MRNIP: variants seen among roughly 807,000 people sequenced by gnomAD.
The protein encoded by MRNIP is MRN complex interacting protein, also known as MRN complex-interacting protein.
A neutral mutation model predicts 29.8 loss-of-function variants in MRNIP; 30 were observed. That is an observed-to-expected ratio of 1.01 (90% CI 0.75 to 1.36). The LOEUF is 1.36. Among genes scored for constraint, MRNIP ranks in the 40% most tolerant of loss-of-function variants. The pLI is 0.00. For synonymous variants in MRNIP, 201 were observed against 164.1 expected, an observed-to-expected ratio of 1.23 and a Z score of -1.72; for missense variants, 459 against 423.5, an observed-to-expected ratio of 1.08 and a Z score of -0.74.
Position 179,844,208 on chromosome 5 carries a change from T to C in MRNIP, c.235A>G (p.Ser79Gly), listed in dbSNP as rs1215014570. ...LPLRSLEETV[S>G]ASEEENVGHQ... ...CCCACGTTTTCTTCTTCACTGGCAC[T>C]GACAGTTTCTTCTAGAGACCTTCAG... The change falls in exon 4 of 7, where the codon AGT becomes GGT. Residue 79 changes from serine (S) to glycine (G), a missense_variant. By Grantham distance (56) the Ser-to-Gly change is moderately conservative (BLOSUM62 0). Transcript: ENST00000292586. 2 of 1,614,180 alleles carry C rather than the reference T, an allele frequency of 1.2e-6. No homozygotes were observed. The highest frequency in any genetic ancestry group is 8.5e-7 in the Non-Finnish European group (1 of 1,180,012).
chr5:179,851,007 G>A, intron 2 of MRNIP: 1 of 339,358 alleles, frequency 2.9e-6, no homozygotes, highest in Non-Finnish European at 5.9e-6. Flanking sequence ...CACATCAAGG[G>A]CAGCGCCCTG....
At chr5:179,849,659 T>C (rs556397489) in intron 2 of MRNIP, among the ~76,000 whole-genome samples, 2 of 150,000 alleles carry the variant, frequency 1.3e-5, no homozygotes, top group East Asian at 4.0e-4. Flanking sequence ...AGATGGAATT[T>C]GTGACCATGG....
At position 179,858,805 on chromosome 5, in the gene MRNIP, G is replaced by A. The variant is rs934953807; in HGVS notation, c.-9C>T. The A allele has an allele frequency of 9.7e-6, 15 of 1,539,736 alleles. No homozygotes were observed. The highest frequency in any genetic ancestry group is 2.4e-5 in the South Asian group (2 of 82,722). On this transcript the variant is annotated 5_prime_UTR_variant, in exon 1 of 7. Coordinates refer to ENST00000292586, the MANE Select transcript of MRNIP (RefSeq NM_016175.4). ...CGCTGAAGCGACGCCATCCCTGCTTGTGCAGTCGCCAGGCAGCCAAGCGCG... is the reference window on the plus strand; with the variant it reads ...CGCTGAAGCGACGCCATCCCTGCTTATGCAGTCGCCAGGCAGCCAAGCGCG...
intron 4 of MRNIP, among the ~76,000 whole-genome samples, chr5:179,842,889 C>G (rs886255006): frequency 6.6e-6 from 1 of 151,094 alleles, no homozygotes; most frequent in Non-Finnish European, 1.5e-5. Context: ...AAAAATTAGC[C>G]GGGCGTGGTG....
chr5:179,847,980 G>C lies in MRNIP; in HGVS notation c.213C>G (p.Leu71=), dbSNP rs1450898625. ...ACGCTCTTCTCAAACAACTGTACCT[G>C]AGTGGCAGCTCTGAAACTTGTCCCT... is the stretch of plus-strand genomic sequence containing the variant. ...LLQGQVSELP[L]RSLEETVSAS... The change falls in exon 3 of 7, where the codon CTC becomes CTG. Residue 71 remains leucine, a splice_region_variant and synonymous_variant. Coordinates refer to ENST00000292586, the MANE Select transcript of MRNIP (RefSeq NM_016175.4). 2 of 1,604,638 alleles carry C rather than the reference G, an allele frequency of 1.2e-6. No homozygotes were observed. Among genetic ancestry groups the C allele is most frequent in the African/African-American group, 2.7e-5 (2 of 74,732 alleles).
At chr5:179,848,871 C>A (rs529788784) in intron 2 of MRNIP, among the ~76,000 whole-genome samples, 7 of 152,150 alleles carry the variant, frequency 4.6e-5, no homozygotes, top group Non-Finnish European at 8.8e-5. Context: ...GTGTGAAGAC[C>A]CTGAGCCTGA....
Position 179,837,716 on chromosome 5 carries a change from GGTGGCAGGACAAATT to G in MRNIP, c.692_706del (p.Gln231_Pro235del). 2 of 1,614,258 alleles carry G rather than the reference GGTGGCAGGACAAATT, an allele frequency of 1.2e-6. No homozygotes were observed. Among genetic ancestry groups the G allele is most frequent in the South Asian group, 2.2e-5 (2 of 91,088 alleles). ...ACTGTCCACATGTGAACTTTTTCTA[GGTGGCAGGACAAATT>G]GCGCCCATTTAGAGGATGTGGCTGT... On this transcript the variant is annotated inframe_deletion, in exon 7 of 7. Coordinates refer to ENST00000292586, the MANE Select transcript of MRNIP (RefSeq NM_016175.4).
At chr5:179,842,634 G>A (rs1378053865) in intron 4 of MRNIP, among the ~76,000 whole-genome samples, 2 of 143,928 alleles carry the variant, frequency 1.4e-5, no homozygotes, top group East Asian at 2.0e-4. Context: ...CGGGAGGCGG[G>A]GCCTGCAGTG....
chr5:179,857,380 G>A (rs1302395027), intron 1 of MRNIP, among the ~76,000 whole-genome samples: 1 of 152,086 alleles, frequency 6.6e-6, no homozygotes, highest in Non-Finnish European at 1.5e-5. Context: ...AGAATCGCTT[G>A]AACCCAGGAG....
Position 179,837,280 on chromosome 5 carries a change from T to C in MRNIP, c.*111A>G, listed in dbSNP as rs1758619673. On this transcript the variant is annotated 3_prime_UTR_variant, in exon 7 of 7. Coordinates refer to ENST00000292586, the MANE Select transcript of MRNIP (RefSeq NM_016175.4). The stretch of plus-strand genomic sequence containing the variant: ...TGACGTTTGCATAGAGAGAAATGAT[T>C]GACAGTAAGTTTATTGTTAATGGTT... 6.2e-7 allele frequency: 1 copy of C among 1,606,928 alleles called. No homozygotes were observed.
In MRNIP at chr5:179,843,002, C is replaced by T. The variant is rs868863392; in HGVS notation, c.292-938G>A. 1.7e-4 allele frequency among the ~76,000 whole-genome samples: 21 copies of T among 125,642 alleles called. No individual in the cohort carries two copies. In the Middle Eastern group the frequency reaches 0.019, roughly 113 times the overall value. The allele number at this position is 125,642 out of a possible 152,430, so 82.4% of individuals were successfully genotyped here. ...GAGCTGAGATCACGCCACTGCACTC[C>T]GGCTGGGGGACACAGCGAGACTCTG... is the stretch of plus-strand genomic sequence containing the variant. On this transcript the variant is annotated intron_variant, in intron 4 of 6. Coordinates refer to ENST00000292586, the MANE Select transcript of MRNIP (RefSeq NM_016175.4).
chr5:179,850,705 A>G (rs1314064603), intron 2 of MRNIP, among the ~76,000 whole-genome samples: 1 of 152,242 alleles, frequency 6.6e-6, no homozygotes, highest in East Asian at 1.9e-4. Flanking sequence ...CATAACCAGT[A>G]GCGGTGTGCT....
intron 3 of MRNIP, 36 bp from the exon 4 acceptor site, chr5:179,844,263 T>C (rs1201467434): frequency 6.4e-7 from 1 of 1,574,352 alleles, no homozygotes; most frequent in Non-Finnish European, 8.7e-7. Context: ...CTTTGAAAAA[T>C]GACCAGGGGC....
intron 2 of MRNIP, chr5:179,851,031 C>A (rs763720374): frequency 2.5e-4 from 86 of 348,060 alleles, no homozygotes; most frequent in Middle Eastern, 1.0e-3. Flanking sequence ...ACCTTATCAT[C>A]TTCCCAGGAC....
At position 179,858,758 on chromosome 5, in the gene MRNIP, G is replaced by A. The variant is rs1263411738; in HGVS notation, c.39C>T (p.Cys13=). Residue 13 remains cysteine (C), a synonymous_variant, in exon 1 of 7, where the codon TGC becomes TGT. Coordinates refer to ENST00000292586, the MANE Select transcript of MRNIP (RefSeq NM_016175.4). ...GGTGCGCCTGGAAGAGGCGGCAGCT[G>A]CAGCAGCGTAGCACCCGAGAACGCT... The part of the protein sequence containing the change: ...SLQRSRVLRC[C]SCRLFQAHQV... The A allele has an allele frequency of 2.6e-6, 4 of 1,535,654 alleles. No individual in the cohort carries two copies. The African/African-American group carries it at 5.5e-5, about 21-fold the overall frequency.
chr5:179,848,074 A>G lies in MRNIP; in HGVS notation c.127-8T>C. 1 of 1,606,342 alleles carries G rather than the reference A, an allele frequency of 6.2e-7. No homozygotes were observed. The highest frequency in any genetic ancestry group is 8.5e-7 in the Non-Finnish European group (1 of 1,172,896). On this transcript the variant is annotated splice_polypyrimidine_tract_variant and splice_region_variant and intron_variant, in intron 2 of 6. Coordinates refer to ENST00000292586, the MANE Select transcript of MRNIP (RefSeq NM_016175.4). ...AGAGCCTTCACCATAAGCCTGAGAAACCAAAAAATATATTACATTGAAAAA... is the reference window on the plus strand; with the variant it reads ...AGAGCCTTCACCATAAGCCTGAGAAGCCAAAAAATATATTACATTGAAAAA...
At chr5:179,841,739 G>GT (rs1394474274) in intron 5 of MRNIP, 168 bp downstream of exon 5, 2 of 700,206 alleles carry the variant, frequency 2.9e-6, no homozygotes, top group Non-Finnish European at 4.8e-6. Context: ...CAATGCCCAG[G>GT]TGGGCTGTGG....
At position 179,837,447 on chromosome 5, in the gene MRNIP, G is replaced by A; in HGVS notation, c.976C>T (p.Pro326Ser). The change falls in exon 7 of 7, where the codon CCC becomes TCC. Residue 326 changes from proline (P) to serine (S), a missense_variant. Physicochemically the swap from Pro to Ser is moderately conservative, Grantham distance 74 (BLOSUM62 -1). Transcript: ENST00000292586. ...ATAAAGAGGTCACATAGTCGTGTGG[G>A]TCGAGGATTCTGTGCCTCCAGGACC... ...PLVLEAQNPR[P>S]TRLCDLFITG... 6.2e-7 allele frequency: 1 copy of A among 1,611,468 alleles called. No homozygotes were observed. The highest frequency in any genetic ancestry group is 8.5e-7 in the Non-Finnish European group (1 of 1,178,508).
chr5:179,858,405 C>T (rs1452715685), intron 1 of MRNIP, among the ~76,000 whole-genome samples: 2 of 151,838 alleles, frequency 1.3e-5, no homozygotes, highest in Admixed American at 6.5e-5. Flanking sequence ...ACCGTCCTCC[C>T]CCTCTCACTG....
Sources: gnomAD v4.1 joint callset for allele counts (sites outside exome capture counted in the v4.1 genomes callset) on GRCh38, gnomAD v4.1.1 for gene constraint, MANE v1.5 for transcripts, NCBI Gene and HGNC (gene_info 2026-07-23, HGNC 2026-07-21) for gene names.